Variants in CPLX1 observed in about 807,000 individuals in gnomAD.
CPLX1 encodes complexin-1.
In CPLX1, 6 loss-of-function variants were observed where a neutral mutation model predicts 15.6. That is an observed-to-expected ratio of 0.39 (90% CI 0.21 to 0.76). The LOEUF is 0.76. CPLX1 is among the 30% of genes least tolerant of loss of function. The pLI is 0.43. For synonymous variants in CPLX1, 91 were observed against 75.2 expected, an observed-to-expected ratio of 1.21 and a Z score of -1.08; for missense variants, 242 against 188.6, an observed-to-expected ratio of 1.28 and a Z score of -1.66.
At position 787,867 on chromosome 4, in the gene CPLX1, G is replaced by A. The variant is rs114557620; in HGVS notation, c.208-1169C>T. On this transcript the variant is annotated intron_variant, in intron 3 of 3. Coordinates refer to ENST00000304062, the MANE Select transcript of CPLX1 (RefSeq NM_006651.4). ...GAACAGCCTCCTGCTGCCCAGGAAG[G>A]TGGGAACCAGTGGGGTTGGGCTGGC... 1,841 of 985,424 alleles carry A rather than the reference G, an allele frequency of 1.9e-3. 24 individuals carry two copies. The African/African-American group carries it at 0.025, about 13-fold the overall frequency. 61.0% of individuals were successfully genotyped at this position (985,424 alleles called of 1,614,324 possible). A position where few individuals can be genotyped will look rare whatever the true frequency, so the allele number is the denominator to read the frequency against.
intron 2 of CPLX1, among the ~76,000 whole-genome samples, chr4:816,962 A>G (rs899746495): frequency 3.9e-5 from 6 of 152,202 alleles, no homozygotes; most frequent in African/African-American, 2.4e-5. Context: ...CATGTTTTCA[A>G]AGAGCACGCA....
rs1290570504 is a variant in CPLX1, at chr4:807,651, A to T, written c.32-15043T>A. The stretch of plus-strand genomic sequence containing the variant: ...CACCATGCCCGGCCAATTTTTTTTT[A>T]TTATTATTTTTAGTAGAGATGGGGT... On this transcript the variant is annotated intron_variant, in intron 2 of 3. Transcript: ENST00000304062. Among the ~76,000 whole-genome samples the T allele has an allele frequency of 2.6e-5, 4 of 151,342 alleles. No homozygotes were observed. The East Asian group carries it at 5.8e-4, about 22-fold the overall frequency.
Position 811,428 on chromosome 4 carries a change from G to A in CPLX1, c.31+13064C>T, listed in dbSNP as rs542387715. 3.9e-5 allele frequency among the ~76,000 whole-genome samples: 6 copies of A among 151,918 alleles called. No homozygotes were observed. In the South Asian group the frequency reaches 1.0e-3, roughly 26 times the overall value. ...CGCAAAGTGTTGGGATTACAGACAT[G>A]AGCCACTGCACCCAGCCTCTAATTT... On this transcript the variant is annotated intron_variant, in intron 2 of 3. Transcript: ENST00000304062.
At chr4:809,550 T>C (rs1746623020) in intron 2 of CPLX1, among the ~76,000 whole-genome samples, 1 of 152,328 alleles carries the variant, frequency 6.6e-6, no homozygotes. Flanking sequence ...CCTCAGGCCG[T>C]GGGGGCCACA....
At chr4:825,632 G>T (rs1577001153) in intron 1 of CPLX1, among the ~76,000 whole-genome samples, 1 of 151,948 alleles carries the variant, frequency 6.6e-6, no homozygotes, top group East Asian at 2.0e-4. Flanking sequence ...AGGAGAGGGG[G>T]AGCCTCGAGA....
At chr4:787,677 G>A in intron 3 of CPLX1, 1 of 984,854 alleles carries the variant, frequency 1.0e-6, no homozygotes, top group Non-Finnish European at 1.2e-6. Flanking sequence ...GCCTCCAGAG[G>A]GAGTGTGGGA....
intron 2 of CPLX1, among the ~76,000 whole-genome samples, chr4:817,948 T>A (rs1414673093): frequency 6.6e-6 from 1 of 152,202 alleles, no homozygotes; most frequent in East Asian, 1.9e-4. Flanking sequence ...AGGAGCCAAG[T>A]CTGACAGGGG....
chr4:791,183 G>A (rs181036678), intron 3 of CPLX1, among the ~76,000 whole-genome samples: 26 of 149,072 alleles, frequency 1.7e-4, no homozygotes, highest in African/African-American at 6.1e-4. Flanking sequence ...CGGGGCGGGG[G>A]GCGGGGAGCG....
intron 3 of CPLX1, chr4:787,296 G>A (rs1746027148): frequency 2.0e-6 from 2 of 985,222 alleles, no homozygotes; most frequent in South Asian, 9.4e-5. Context: ...CCGCCTAGTC[G>A]TGCCCTCAGC....
At chr4:787,159 C>T (rs938847624) in intron 3 of CPLX1, 1 of 985,300 alleles carries the variant, frequency 1.0e-6, no homozygotes, top group Admixed American at 6.1e-5. Flanking sequence ...CCGGGCCTGG[C>T]CAAGGCTGCC....
chr4:810,131 G>C (rs1429160875), intron 2 of CPLX1, among the ~76,000 whole-genome samples: 1 of 146,768 alleles, frequency 6.8e-6, no homozygotes, highest in African/African-American at 2.6e-5. Flanking sequence ...CTCACTGCAA[G>C]CTCCGCCTCC....
chr4:787,902 T>C lies in CPLX1; in HGVS notation c.208-1204A>G, dbSNP rs560087275. The C allele has an allele frequency of 1.3e-5, 13 of 985,204 alleles. No homozygotes were observed. In the South Asian group the frequency reaches 2.8e-4, roughly 21 times the overall value. The allele number at this position is 985,204 out of a possible 1,614,324, so 61.0% of individuals were successfully genotyped here. A position where few individuals can be genotyped will look rare whatever the true frequency, so the allele number is the denominator to read the frequency against. Reference sequence around the variant, plus strand: ...GTGGGGTTGGGCTGGCCTGGAAGGATTGGGGGCCTGGTGTTGTACGGAGCT... The same window carrying C: ...GTGGGGTTGGGCTGGCCTGGAAGGACTGGGGGCCTGGTGTTGTACGGAGCT... On this transcript the variant is annotated intron_variant, in intron 3 of 3. Coordinates refer to ENST00000304062, the MANE Select transcript of CPLX1 (RefSeq NM_006651.4).
In CPLX1 at chr4:792,538, C is replaced by G. The variant is rs909896685; in HGVS notation, c.102G>C (p.Glu34Asp). The G allele has an allele frequency of 6.2e-7, 1 of 1,613,464 alleles. No individual in the cohort carries two copies. Among genetic ancestry groups the G allele is most frequent in the Non-Finnish European group, 8.5e-7 (1 of 1,179,772 alleles). The change falls in exon 3 of 4, where the codon GAG (glutamate) becomes GAC (aspartate). Residue 34 changes from glutamate to aspartate, a missense_variant. Coordinates refer to ENST00000304062, the MANE Select transcript of CPLX1 (RefSeq NM_006651.4). ...EEKDPDAAKK[E>D]EERQEALRQA... ...GGCGCAGCGCCTCCTGCCGCTCCTC[C>G]TCCTTCTTGGCGGCGTCTGGGTCCT...
intron 3 of CPLX1, among the ~76,000 whole-genome samples, chr4:789,566 C>A (rs1402879853): frequency 3.9e-5 from 6 of 152,152 alleles, no homozygotes; most frequent in Non-Finnish European, 5.9e-5. Context: ...AAGGCCCGTG[C>A]AGGAAGGCCC....
chr4:804,010 C>T (rs918737551), intron 2 of CPLX1, among the ~76,000 whole-genome samples: 2 of 152,240 alleles, frequency 1.3e-5, no homozygotes, highest in African/African-American at 4.8e-5. Flanking sequence ...CAGCCTCACC[C>T]TGGTGCTGCC....
intron 2 of CPLX1, among the ~76,000 whole-genome samples, chr4:795,907 G>A (rs1039001917): frequency 3.3e-5 from 5 of 152,226 alleles, no homozygotes; most frequent in Admixed American, 1.3e-4. Flanking sequence ...AAGCAGAGAC[G>A]TTTCCTCTGC....
At chr4:810,467 G>A (rs1293293339) in intron 2 of CPLX1, among the ~76,000 whole-genome samples, 1 of 152,170 alleles carries the variant, frequency 6.6e-6, no homozygotes, top group Admixed American at 6.5e-5. Context: ...GTGCGGTTGT[G>A]CCATTTTAAG....
intron 2 of CPLX1, among the ~76,000 whole-genome samples, 179 bp downstream of exon 2, chr4:824,313 G>A (rs966437490): frequency 2.6e-5 from 4 of 152,222 alleles, no homozygotes; most frequent in African/African-American, 7.2e-5. Flanking sequence ...GAAAAGGGCC[G>A]GGCTGGGGGC....
chr4:803,421 C>G (rs1305766230), intron 2 of CPLX1, among the ~76,000 whole-genome samples: 1 of 151,926 alleles, frequency 6.6e-6, no homozygotes, highest in Non-Finnish European at 1.5e-5. Flanking sequence ...GACGGAATCT[C>G]GCTCTGTCGC....
Sources: allele counts gnomAD v4.1 joint callset (sites outside exome capture counted in the v4.1 genomes callset), GRCh38; gene constraint gnomAD v4.1.1; transcripts MANE v1.5; gene names NCBI Gene and HGNC (gene_info 2026-07-23, HGNC 2026-07-21).